FASTKD1: variants seen among roughly 807,000 people sequenced by gnomAD.
The protein encoded by FASTKD1 is FAST kinase domain-containing protein 1, mitochondrial.
A neutral mutation model predicts 90.9 loss-of-function variants in FASTKD1; 94 were observed. The observed-to-expected ratio is 1.03, with a 90% CI of 0.88 to 1.23. The LOEUF is 1.23. FASTKD1 is among the 50% of genes most tolerant of loss of function. The pLI is 0.00. For missense variants in FASTKD1, 945 were observed against 993.5 expected (o/e 0.95, Z 0.66); for synonymous variants, 319 against 345.8 (o/e 0.92, Z 0.86).
intron 4 of FASTKD1, among the ~76,000 whole-genome samples, chr2:169,562,913 C>T (rs1339048543): frequency 6.6e-6 from 1 of 152,138 alleles, no homozygotes; most frequent in African/African-American, 2.4e-5. Context: ...TCTCTGACCT[C>T]GGAGTCTCAG....
Position 169,553,344 on chromosome 2 carries a change from A to G in FASTKD1, c.1214+1780T>C, listed in dbSNP as rs545057595. 2.0e-3 allele frequency among the ~76,000 whole-genome samples: 304 copies of G among 149,416 alleles called. 3 individuals carry two copies. Among genetic ancestry groups the G allele is most frequent in the Non-Finnish European group, 1.6e-3 (105 of 67,602 alleles). On this transcript the variant is annotated intron_variant, in intron 7 of 14. Coordinates refer to ENST00000453153, the MANE Select transcript of FASTKD1 (RefSeq NM_024622.6). ...GCTAGTGTATCATTTCTAATTTAGA[A>G]CATAAAATTCATAATTGAGAGGTAG...
intron 13 of FASTKD1, 114 bp downstream of exon 13, chr2:169,531,238 T>C: frequency 9.2e-7 from 1 of 1,090,882 alleles, no homozygotes; most frequent in Non-Finnish European, 1.4e-6. Flanking sequence ...GTGGAATGCA[T>C]GACATATGAG....
At chr2:169,548,008 A>C (rs1685293361) in intron 7 of FASTKD1, among the ~76,000 whole-genome samples, 1 of 140,874 alleles carries the variant, frequency 7.1e-6, no homozygotes, top group Non-Finnish European at 1.6e-5. Context: ...AAAAAAAAAA[A>C]CAAAACAAAA....
At position 169,568,276 on chromosome 2, in the gene FASTKD1, T is replaced by A. The variant is rs186204266; in HGVS notation, c.446+908A>T. Among the ~76,000 whole-genome samples the A allele has an allele frequency of 4.4e-4, 67 of 152,268 alleles. 1 individual carries two copies. Among genetic ancestry groups the A allele is most frequent in the African/African-American group, 1.4e-3 (59 of 41,552 alleles). On this transcript the variant is annotated intron_variant, in intron 3 of 14. Coordinates refer to ENST00000453153, the MANE Select transcript of FASTKD1 (RefSeq NM_024622.6). The stretch of plus-strand genomic sequence containing the variant: ...CTCTAATAAACTAGGGTCTCTTTTT[T>A]TCTCCTTTCCTGGCTCCTGCACTTC...
intron 6 of FASTKD1, among the ~76,000 whole-genome samples, chr2:169,556,958 G>C (rs1339196498): frequency 1.3e-5 from 2 of 151,866 alleles, no homozygotes; most frequent in African/African-American, 4.8e-5. Flanking sequence ...AGTAAGCAGA[G>C]ATAGTGCCAC....
chr2:169,568,914 G>C (rs1684112630), intron 3 of FASTKD1, among the ~76,000 whole-genome samples: 1 of 150,732 alleles, frequency 6.6e-6, no homozygotes, highest in African/African-American at 2.4e-5. Flanking sequence ...GCAGAGAATT[G>C]CTTGAACCCA....
chr2:169,550,581 T>G (rs1205503661), intron 7 of FASTKD1, among the ~76,000 whole-genome samples: 1 of 152,150 alleles, frequency 6.6e-6, no homozygotes, highest in Non-Finnish European at 1.5e-5. Context: ...TGGGCTCAAG[T>G]GATCCTCCCG....
chr2:169,554,461 C>T lies in FASTKD1; in HGVS notation c.1214+663G>A, dbSNP rs144626253. On this transcript the variant is annotated intron_variant, in intron 7 of 14. Coordinates refer to ENST00000453153, the MANE Select transcript of FASTKD1 (RefSeq NM_024622.6). ...GGTGGATCACCTGAGGTCAGGAGTT[C>T]GAAACCAGCCTGACCAATACAGTGA... Among the ~76,000 whole-genome samples the T allele has an allele frequency of 5.1e-3, 780 of 151,652 alleles. 10 individuals are homozygous for T. The highest frequency in any genetic ancestry group is 0.018 in the African/African-American group (726 of 41,330).
At chr2:169,548,861 A>G (rs957075046) in intron 7 of FASTKD1, among the ~76,000 whole-genome samples, 4 of 151,812 alleles carry the variant, frequency 2.6e-5, no homozygotes, top group Admixed American at 1.3e-4. Context: ...TTGGGAGGCC[A>G]AGGCGGGCAG....
At chr2:169,544,150 GAAAC>G in intron 9 of FASTKD1, among the ~76,000 whole-genome samples, 1 of 152,256 alleles carries the variant, frequency 6.6e-6, no homozygotes, top group East Asian at 1.9e-4. Flanking sequence ...GAGAGTCAGA[GAAAC>G]AAACGGATAA....
At chr2:169,533,008 A>T (rs1275833770) in intron 12 of FASTKD1, among the ~76,000 whole-genome samples, 1 of 152,052 alleles carries the variant, frequency 6.6e-6, no homozygotes, top group Non-Finnish European at 1.5e-5. Flanking sequence ...GTTCAATTTT[A>T]TCTAAAATTT....
intron 5 of FASTKD1, among the ~76,000 whole-genome samples, chr2:169,557,964 A>G (rs1683405059): frequency 6.6e-6 from 1 of 152,030 alleles, no homozygotes; most frequent in Non-Finnish European, 1.5e-5. Context: ...CTTTCCACCA[A>G]CCTTTTCAAA....
At position 169,546,236 on chromosome 2, in the gene FASTKD1, A is replaced by G; in HGVS notation, c.1683T>C (p.Ala561=). The G allele has an allele frequency of 1.3e-6, 2 of 1,572,026 alleles. No homozygotes were observed. The highest frequency in any genetic ancestry group is 4.5e-5 in the East Asian group (2 of 44,320). ...ATTTCACCTTTTCAATCTGCTGAAC[A>G]GCCACTGAGGCTATCCTATCTAGTA... is the stretch of plus-strand genomic sequence containing the variant. The part of the protein sequence containing the change: ...TLLLDRIASV[A]VQQIEKIHPF... The change falls in exon 8 of 15, where the codon GCT becomes GCC. Residue 561 remains alanine, a synonymous_variant. Transcript: ENST00000453153.
chr2:169,549,910 A>G (rs999608909), intron 7 of FASTKD1, among the ~76,000 whole-genome samples: 3 of 152,362 alleles, frequency 2.0e-5, no homozygotes, highest in Middle Eastern at 3.4e-3. Flanking sequence ...ATTTAGCAGT[A>G]CGGCTTTGAA....
In FASTKD1 at chr2:169,529,658, C is replaced by G. The variant is rs555251233; in HGVS notation, c.*167G>C. 1.7e-6 allele frequency: 1 copy of G among 575,020 alleles called. No homozygotes were observed. Among genetic ancestry groups the G allele is most frequent in the Non-Finnish European group, 3.1e-6 (1 of 318,794 alleles). 35.6% of individuals were successfully genotyped at this position (575,020 alleles called of 1,614,324 possible). A position where few individuals can be genotyped will look rare whatever the true frequency, so the allele number is the denominator to read the frequency against. On this transcript the variant is annotated 3_prime_UTR_variant, in exon 15 of 15. Transcript: ENST00000453153. ...TCTTTTCTCTTATACACTCCCACCC[C>G]ACTCCCCACTTGTTCTGCTCCAGCC...
chr2:169,561,256 A>T lies in FASTKD1; in HGVS notation c.573-471T>A, dbSNP rs574732792. ...GAGGTTGCATCATTGCACTCCAGTC[A>T]GGGAAACAGAGGGAGACTCCATCTC... On this transcript the variant is annotated intron_variant, in intron 4 of 14. Coordinates refer to ENST00000453153, the MANE Select transcript of FASTKD1 (RefSeq NM_024622.6). Among the ~76,000 whole-genome samples the T allele has an allele frequency of 4.6e-5, 7 of 151,404 alleles. 1 individual carries two copies. Among genetic ancestry groups the T allele is most frequent in the Non-Finnish European group, 1.0e-4 (7 of 67,842 alleles).
intron 7 of FASTKD1, among the ~76,000 whole-genome samples, chr2:169,548,765 A>C (rs1685343232): frequency 6.9e-6 from 1 of 145,634 alleles, no homozygotes; most frequent in African/African-American, 2.5e-5. Flanking sequence ...AACTTTAGGT[A>C]TAGAAGTAGT....
At chr2:169,568,739 G>A (rs1559161952) in intron 3 of FASTKD1, among the ~76,000 whole-genome samples, 2 of 150,894 alleles carry the variant, frequency 1.3e-5, no homozygotes, top group African/African-American at 2.4e-5. Flanking sequence ...GGTGGCTCAC[G>A]CCTATAATCC....
Position 169,562,196 on chromosome 2 carries a change from T to A in FASTKD1, c.572+1029A>T, listed in dbSNP as rs1486055822. On this transcript the variant is annotated intron_variant, in intron 4 of 14. Coordinates refer to ENST00000453153, the MANE Select transcript of FASTKD1 (RefSeq NM_024622.6). ...TTTTTGGTTTTTTTGGATTTTGTTG[T>A]TGTTGTTTCAAGTTTTGTTACTGTT... Among the ~76,000 whole-genome samples, 4 of 151,318 alleles carry A rather than the reference T, an allele frequency of 2.6e-5. No individual in the cohort carries two copies. The Admixed American group carries it at 2.6e-4, about 10-fold the overall frequency.
Sources: gnomAD v4.1 joint callset for allele counts (sites outside exome capture counted in the v4.1 genomes callset) on GRCh38, gnomAD v4.1.1 for gene constraint, MANE v1.5 for transcripts, NCBI Gene and HGNC (gene_info 2026-07-23, HGNC 2026-07-21) for gene names.